TNFSF4: variants seen among roughly 807,000 people sequenced by gnomAD.
TNFSF4 encodes the protein TNF superfamily member 4, also known as tumor necrosis factor ligand superfamily member 4.
TNFSF4 carries 4 observed loss-of-function variants against 7.3 expected under a neutral mutation model. The observed-to-expected ratio is 0.55, with a 90% CI of 0.27 to 1.25. TNFSF4 has a LOEUF of 1.25. TNFSF4 is among the 50% of genes most tolerant of loss of function. The pLI is 0.12. For synonymous variants in TNFSF4, 76 were observed against 83.7 expected (o/e 0.91, Z 0.50); for missense variants, 181 against 208.8 (o/e 0.87, Z 0.82).
At chr1:173,341,799 C>A in the TNFSF4 span, among the ~76,000 whole-genome samples, 1 of 152,098 alleles carries the variant, frequency 6.6e-6, no homozygotes. Flanking sequence ...TTTTTCCATT[C>A]TGGTGAAAGA....
chr1:173,270,922 G>A, the TNFSF4 span, among the ~76,000 whole-genome samples: 1 of 152,040 alleles, frequency 6.6e-6, no homozygotes, highest in African/African-American at 2.4e-5. Context: ...AAATATATAT[G>A]AGAGTACTTT....
At chr1:173,242,572 A>C in the TNFSF4 span, among the ~76,000 whole-genome samples, 1 of 152,196 alleles carries the variant, frequency 6.6e-6, no homozygotes, top group Non-Finnish European at 1.5e-5. Flanking sequence ...GGGATTTTGC[A>C]AGCATGATTA....
the TNFSF4 span, among the ~76,000 whole-genome samples, chr1:173,315,352 G>T: frequency 6.6e-6 from 1 of 152,030 alleles, no homozygotes; most frequent in African/African-American, 2.4e-5. Flanking sequence ...TAAATCAGAC[G>T]TTCCATTTAT....
the TNFSF4 span, among the ~76,000 whole-genome samples, chr1:173,436,083 T>G: frequency 6.6e-6 from 1 of 152,240 alleles, no homozygotes; most frequent in African/African-American, 2.4e-5. Flanking sequence ...TCTATTTCCA[T>G]GTACTCATGC....
the TNFSF4 span, among the ~76,000 whole-genome samples, chr1:173,242,323 C>A: frequency 2.0e-5 from 3 of 152,224 alleles, no homozygotes; most frequent in South Asian, 6.2e-4. Flanking sequence ...TATGGGGGCC[C>A]CGAACCATTC....
At chr1:173,235,938 C>T in the TNFSF4 span, among the ~76,000 whole-genome samples, 26 of 152,252 alleles carry the variant, frequency 1.7e-4, no homozygotes, top group African/African-American at 6.3e-4. Context: ...TTGTTAAAAT[C>T]ATTTCCCTTC....
At chr1:173,240,504 C>T in the TNFSF4 span, among the ~76,000 whole-genome samples, 1 of 152,070 alleles carries the variant, frequency 6.6e-6, no homozygotes, top group Admixed American at 6.6e-5. Flanking sequence ...GAGGTCTATC[C>T]ATGTTGCTAA....
chr1:173,427,576 T>C, the TNFSF4 span, among the ~76,000 whole-genome samples: 1 of 152,234 alleles, frequency 6.6e-6, no homozygotes, highest in South Asian at 2.1e-4. Context: ...TTTTCTACCA[T>C]GTATGAAGTC....
chr1:173,444,513 G>T, the TNFSF4 span, among the ~76,000 whole-genome samples: 125 of 148,880 alleles, frequency 8.4e-4, no homozygotes, highest in African/African-American at 2.9e-3. Context: ...GAAATTCTGG[G>T]TTTTTTTTTT....
At chr1:173,269,401 T>A in the TNFSF4 span, among the ~76,000 whole-genome samples, 1 of 152,126 alleles carries the variant, frequency 6.6e-6, no homozygotes, top group Non-Finnish European at 1.5e-5. Flanking sequence ...AACATACAAT[T>A]TTTTTCTTTC....
At chr1:173,261,535 C>A in the TNFSF4 span, among the ~76,000 whole-genome samples, 1 of 152,052 alleles carries the variant, frequency 6.6e-6, no homozygotes, top group African/African-American at 2.4e-5. Flanking sequence ...TCAATGAAAC[C>A]AGCAGCTGGT....
chr1:173,327,533 C>T, the TNFSF4 span, among the ~76,000 whole-genome samples: 1 of 151,230 alleles, frequency 6.6e-6, no homozygotes, highest in East Asian at 1.9e-4. Flanking sequence ...AGCTTCTGCA[C>T]AGCAAAAGAA....
At chr1:173,426,233 C>G in the TNFSF4 span, among the ~76,000 whole-genome samples, 39 of 152,168 alleles carry the variant, frequency 2.6e-4, no homozygotes, top group African/African-American at 9.2e-4. Context: ...GGAGGAGCTT[C>G]CCTTAGTCAG....
At chr1:173,277,641 A>G in the TNFSF4 span, among the ~76,000 whole-genome samples, 12 of 152,248 alleles carry the variant, frequency 7.9e-5, no homozygotes, top group South Asian at 2.3e-3. Flanking sequence ...TTTTATTGCT[A>G]TCAGTTCTGC....
chr1:173,450,426 TTA>T, the TNFSF4 span, among the ~76,000 whole-genome samples: 1 of 152,088 alleles, frequency 6.6e-6, no homozygotes, highest in Non-Finnish European at 1.5e-5. Flanking sequence ...TCAATTGATT[TTA>T]TGAGATTGGC....
chr1:173,207,200 G>A lies in TNFSF4; in HGVS notation c.-24C>T, dbSNP rs761730383. 1 of 1,586,188 alleles carries A rather than the reference G, an allele frequency of 6.3e-7. No individual in the cohort carries two copies. The highest frequency in any genetic ancestry group is 1.1e-5 in the South Asian group (1 of 88,874). On this transcript the variant is annotated 5_prime_UTR_variant, in exon 1 of 3. Coordinates refer to ENST00000281834, the MANE Select transcript of TNFSF4 (RefSeq NM_003326.5). ...ATCTTCACAATCTGGGTAGAGGGAA[G>A]ATGAAGATATGGAAAAGGGGAACGT...
chr1:173,445,813 T>C, the TNFSF4 span, among the ~76,000 whole-genome samples: 5 of 152,168 alleles, frequency 3.3e-5, no homozygotes, highest in Non-Finnish European at 7.4e-5. Flanking sequence ...TAACTCTGTG[T>C]ATGACCTAGC....
chr1:173,265,136 T>C, the TNFSF4 span, among the ~76,000 whole-genome samples: 4 of 152,210 alleles, frequency 2.6e-5, no homozygotes, highest in Non-Finnish European at 4.4e-5. Flanking sequence ...CAGAAGTTTT[T>C]ACTCCCCAAT....
At chr1:173,406,977 G>A in the TNFSF4 span, among the ~76,000 whole-genome samples, 1 of 152,164 alleles carries the variant, frequency 6.6e-6, no homozygotes, top group Admixed American at 6.5e-5. Flanking sequence ...CTAGTTGGGG[G>A]GATGGGGAGA....
Sources: allele counts gnomAD v4.1 joint callset (sites outside exome capture counted in the v4.1 genomes callset), GRCh38; gene constraint gnomAD v4.1.1; transcripts MANE v1.5; gene names NCBI Gene and HGNC (gene_info 2026-07-23, HGNC 2026-07-21).